Variants in WDR35 observed in about 807,000 individuals in gnomAD.
WDR35 encodes the protein WD repeat-containing protein 35.
WDR35 carries 118 observed loss-of-function variants against 158.3 expected under a neutral mutation model. That is an observed-to-expected ratio of 0.75 (90% confidence interval 0.64 to 0.87). WDR35 has a LOEUF of 0.87. WDR35 is among the 40% of genes least tolerant of loss of function. The pLI is 0.00. For missense variants in WDR35, 1,263 were observed against 1,405.8 expected (o/e 0.90, Z 1.62); for synonymous variants, 448 against 476.1 (o/e 0.94, Z 0.77).
intron 25 of WDR35, among the ~76,000 whole-genome samples, chr2:19,920,838 C>T: frequency 6.6e-6 from 1 of 152,190 alleles, no homozygotes; most frequent in East Asian, 1.9e-4. Flanking sequence ...ACTCCATCAT[C>T]TCAGCCCCAA....
At chr2:19,924,175 T>C (rs1193559065) in intron 25 of WDR35, among the ~76,000 whole-genome samples, 1 of 152,088 alleles carries the variant, frequency 6.6e-6, no homozygotes, top group Non-Finnish European at 1.5e-5. Flanking sequence ...AAAAATCCCT[T>C]TATGTGGAGA....
chr2:19,933,883 T>C (rs1670603949), intron 21 of WDR35, among the ~76,000 whole-genome samples: 1 of 152,312 alleles, frequency 6.6e-6, no homozygotes, highest in Admixed American at 6.5e-5. Flanking sequence ...AATTATTAAC[T>C]AGAGACTTAA....
intron 2 of WDR35, among the ~76,000 whole-genome samples, chr2:19,982,848 A>G (rs551121145): frequency 4.6e-4 from 70 of 152,350 alleles, no homozygotes; most frequent in African/African-American, 1.6e-3. Context: ...TGAAAACTCT[A>G]CAGCTTACAA....
chr2:19,935,786 G>A (rs1670674337), intron 20 of WDR35, among the ~76,000 whole-genome samples, 183 bp from the exon 21 acceptor site: 1 of 152,050 alleles, frequency 6.6e-6, no homozygotes, highest in Admixed American at 6.6e-5. Context: ...TATTCTAGTT[G>A]TAACATTCCT....
intron 14 of WDR35, among the ~76,000 whole-genome samples, chr2:19,946,991 C>T (rs1671081331): frequency 6.6e-6 from 1 of 152,138 alleles, no homozygotes; most frequent in African/African-American, 2.4e-5. Context: ...ATAGCTGTTA[C>T]TGAAGGTCTA....
At chr2:19,983,805 A>G (rs1286378309) in intron 2 of WDR35, among the ~76,000 whole-genome samples, 2 of 152,152 alleles carry the variant, frequency 1.3e-5, no homozygotes, top group African/African-American at 4.8e-5. Flanking sequence ...TAACAATGCA[A>G]TCATCTGTCA....
chr2:19,927,474 T>C (rs1340438168), intron 25 of WDR35, among the ~76,000 whole-genome samples: 1 of 152,198 alleles, frequency 6.6e-6, no homozygotes, highest in Non-Finnish European at 1.5e-5. Context: ...GCCATACTTA[T>C]GTTCAGATGG....
chr2:19,955,864 T>A (rs1219765634), intron 11 of WDR35, among the ~76,000 whole-genome samples: 2 of 152,112 alleles, frequency 1.3e-5, no homozygotes, highest in African/African-American at 4.8e-5. Flanking sequence ...AGGGATTAAA[T>A]TCAATAATTT....
rs997019223 is a variant in WDR35, at chr2:19,975,795, T to C, written c.437-132A>G. 11 of 1,226,298 alleles carry C rather than the reference T, an allele frequency of 9.0e-6. No individual in the cohort carries two copies. The African/African-American group carries it at 1.5e-4, about 17-fold the overall frequency. The allele number at this position is 1,226,298 out of a possible 1,614,324, so 76.0% of individuals were successfully genotyped here. On this transcript the variant is annotated intron_variant, in intron 5 of 26. Transcript: ENST00000281405. The stretch of plus-strand genomic sequence containing the variant: ...GCATTCATTCAATTTATTTGGCCAA[T>C]AAATATTTACTGAGCACCTATATGT...
Position 19,941,815 on chromosome 2 carries a change from T to C in WDR35, c.1870A>G (p.Ile624Val). Reference protein sequence around the residue: ...PEEPIQTSGYICNFEDLEIKS... With the variant: ...PEEPIQTSGYVCNFEDLEIKS... ...ATTTCTAAATCCTCAAAATTACAAA[T>C]ATATCCAGAGGTCTGAATGGGTTCC... Residue 624 changes from isoleucine (I) to valine (V), a missense_variant, in exon 17 of 27, where the codon ATT (isoleucine) becomes GTT (valine). Physicochemically the swap from Ile to Val is conservative, Grantham distance 29. Coordinates refer to ENST00000281405, the MANE Select transcript of WDR35 (RefSeq NM_020779.4). The C allele has an allele frequency of 6.4e-7, 1 of 1,574,406 alleles. No homozygotes were observed. Among genetic ancestry groups the C allele is most frequent in the Non-Finnish European group, 8.7e-7 (1 of 1,152,542 alleles).
chr2:19,960,577 A>T lies in WDR35; in HGVS notation c.1232T>A (p.Leu411Ter). Reference protein sequence around the residue: ...LVLCNSIGTPLDPKYIDIVPL... With the variant: ...LVLCNSIGTP ...ACCAATATCAATGTATTTGGGATCCAAGGGTGTACCAATAGAATTACAAAG... is the reference window on the plus strand; with the variant it reads ...ACCAATATCAATGTATTTGGGATCCTAGGGTGTACCAATAGAATTACAAAG... The change falls in exon 11 of 27, where the codon TTG (leucine) becomes TAG (stop). Residue 411 changes from leucine (L) to a stop codon, truncating the protein, a stop_gained. Coordinates refer to ENST00000281405, the MANE Select transcript of WDR35 (RefSeq NM_020779.4). LOFTEE classifies it high-confidence loss of function. The T allele has an allele frequency of 6.2e-7, 1 of 1,609,538 alleles. No homozygotes were observed. Among genetic ancestry groups the T allele is most frequent in the South Asian group, 1.1e-5 (1 of 90,894 alleles).
At chr2:19,978,688 C>A in intron 5 of WDR35, 63 bp downstream of exon 5, 1 of 1,609,600 alleles carries the variant, frequency 6.2e-7, no homozygotes. Context: ...TAACTTAAAT[C>A]TCTAAAGAAG....
chr2:19,939,235 C>A (rs1205215312), intron 17 of WDR35, among the ~76,000 whole-genome samples: 1 of 151,950 alleles, frequency 6.6e-6, no homozygotes, highest in African/African-American at 2.4e-5. Context: ...ATTCATTTAA[C>A]TATTAAGACT....
chr2:19,950,536 G>A (rs1671202997), intron 13 of WDR35, among the ~76,000 whole-genome samples: 1 of 152,176 alleles, frequency 6.6e-6, no homozygotes, highest in African/African-American at 2.4e-5. Context: ...TTTAATTTAT[G>A]TGAGGGTACA....
chr2:19,972,873 A>T (rs868860615), intron 8 of WDR35, among the ~76,000 whole-genome samples: 1 of 152,116 alleles, frequency 6.6e-6, no homozygotes, highest in South Asian at 2.1e-4. Context: ...CAAAAAACGT[A>T]TTAAGCTTAG....
At chr2:19,987,767 T>C (rs1400304012) in intron 2 of WDR35, among the ~76,000 whole-genome samples, 4 of 135,110 alleles carry the variant, frequency 3.0e-5, no homozygotes, top group Admixed American at 2.7e-4. Context: ...GAGCTTGCAA[T>C]GAGCCGAGAT....
intron 18 of WDR35, 68 bp downstream of exon 18, chr2:19,938,197 G>A (rs1670760772): frequency 1.2e-6 from 2 of 1,602,958 alleles, no homozygotes; most frequent in Non-Finnish European, 1.7e-6. Context: ...TAGGGGAGCA[G>A]AGGGACAAAA....
chr2:19,918,330 T>C (rs927901846), intron 25 of WDR35, among the ~76,000 whole-genome samples: 10 of 152,206 alleles, frequency 6.6e-5, no homozygotes, highest in Non-Finnish European at 1.5e-4. Context: ...AGAAACTGCA[T>C]CAGCTAACAG....
At chr2:19,987,378 T>C (rs1263172164) in intron 2 of WDR35, among the ~76,000 whole-genome samples, 2 of 152,198 alleles carry the variant, frequency 1.3e-5, no homozygotes, top group African/African-American at 4.8e-5. Flanking sequence ...TACTCCATTT[T>C]CCAAACCTCC....
Sources: gnomAD v4.1 joint callset for allele counts (sites outside exome capture counted in the v4.1 genomes callset) on GRCh38, gnomAD v4.1.1 for gene constraint, MANE v1.5 for transcripts, NCBI Gene and HGNC (gene_info 2026-07-23, HGNC 2026-07-21) for gene names.